Variants in MINDY2 observed in about 807,000 individuals in gnomAD.
The protein encoded by MINDY2 is MINDY lysine 48 deubiquitinase 2.
Under a neutral mutation model 68.2 loss-of-function variants are expected in MINDY2, and 52 were observed. The ratio of observed to expected loss-of-function variants is 0.76; its 90% CI spans 0.61 to 0.96. The LOEUF (loss-of-function observed/expected upper bound fraction) is 0.96. MINDY2 is among the 40% of genes least tolerant of loss of function. The probability of loss-of-function intolerance (pLI) is 0.00; values close to 1 mark genes in which losing one functional copy is unlikely to be tolerated. For synonymous variants in MINDY2, 372 were observed against 303.0 expected, an observed-to-expected ratio of 1.23 and a Z score of -2.36; for missense variants, 881 against 773.4, an observed-to-expected ratio of 1.14 and a Z score of -1.65.
intron 1 of MINDY2, among the ~76,000 whole-genome samples, chr15:58,776,047 A>T (rs1319668181): frequency 2.0e-5 from 3 of 152,176 alleles, no homozygotes; most frequent in African/African-American, 7.2e-5. Context: ...TTTAGTACAG[A>T]CAGGGTTTCA....
At chr15:58,827,931 G>A (rs1259732918) in intron 5 of MINDY2, among the ~76,000 whole-genome samples, 1 of 151,898 alleles carries the variant, frequency 6.6e-6, no homozygotes, top group African/African-American at 2.4e-5. Context: ...CTGCACTCCT[G>A]GAATCAAATC....
At chr15:58,776,765 T>C (rs1025761428) in intron 1 of MINDY2, among the ~76,000 whole-genome samples, 22 of 152,122 alleles carry the variant, frequency 1.4e-4, no homozygotes, top group Admixed American at 3.3e-4. Flanking sequence ...CTCATGCCTG[T>C]CGTCCCAGCA....
intron 1 of MINDY2, among the ~76,000 whole-genome samples, chr15:58,787,325 T>C (rs960629224): frequency 1.1e-4 from 16 of 152,020 alleles, no homozygotes; most frequent in African/African-American, 2.7e-4. Flanking sequence ...TTTTATCTCC[T>C]ATGTGTGCAG....
rs182877793 is a variant in MINDY2, at chr15:58,820,405, C to T, written c.1123-1312C>T. Among the ~76,000 whole-genome samples, 160 of 150,160 alleles carry T rather than the reference C, an allele frequency of 1.1e-3. 2 individuals carry two copies. Among genetic ancestry groups the T allele is most frequent in the African/African-American group, 3.6e-3 (146 of 40,660 alleles). ...GTTGCAGTGAGCCGAGGTCACACCA[C>T]TGCACTCCAGCCTGGGCAACAGAGT... is the stretch of plus-strand genomic sequence containing the variant. On this transcript the variant is annotated intron_variant, in intron 4 of 8. Coordinates refer to ENST00000559228, the MANE Select transcript of MINDY2 (RefSeq NM_001040450.3).
chr15:58,795,178 A>AAAAT (rs57658375), intron 2 of MINDY2, among the ~76,000 whole-genome samples: 30,143 of 149,876 alleles, frequency 0.2, 3,573 homozygotes, highest in East Asian at 0.52. Context: ...TCGTCTCCAA[A>AAAAT]AAATAAATAA....
chr15:58,778,693 C>T (rs979985057), intron 1 of MINDY2, among the ~76,000 whole-genome samples: 8 of 151,850 alleles, frequency 5.3e-5, no homozygotes, highest in African/African-American at 1.7e-4. Flanking sequence ...GTGGTGCAAT[C>T]ATGGCTCCGA....
intron 1 of MINDY2, among the ~76,000 whole-genome samples, chr15:58,786,761 A>C (rs1340197684): frequency 2.0e-5 from 3 of 152,186 alleles, no homozygotes; most frequent in African/African-American, 7.2e-5. Context: ...CTTTCCAACT[A>C]TAACTCCTTC....
intron 5 of MINDY2, among the ~76,000 whole-genome samples, chr15:58,823,428 C>T (rs556135775): frequency 6.6e-6 from 1 of 152,010 alleles, no homozygotes; most frequent in Non-Finnish European, 1.5e-5. Context: ...AATCCCAGCA[C>T]TTTGGGAGGC....
intron 2 of MINDY2, among the ~76,000 whole-genome samples, chr15:58,801,342 C>T (rs1051227343): frequency 1.2e-4 from 13 of 110,814 alleles, no homozygotes; most frequent in African/African-American, 4.5e-4. Context: ...GTGATCCCAA[C>T]ACTTTGGGAG....
At chr15:58,849,268 C>T (rs1257610015) in intron 7 of MINDY2, among the ~76,000 whole-genome samples, 10 of 150,718 alleles carry the variant, frequency 6.6e-5, no homozygotes, top group Admixed American at 4.6e-4. Context: ...TTTGGGAGGC[C>T]AAGGCGGGCC....
At chr15:58,838,935 A>C (rs1293852617) in intron 6 of MINDY2, among the ~76,000 whole-genome samples, 1 of 152,000 alleles carries the variant, frequency 6.6e-6, no homozygotes, top group African/African-American at 2.4e-5. Context: ...ATTCATGATT[A>C]TATTATATCA....
At chr15:58,836,237 CTTT>C (rs778968248) in intron 6 of MINDY2, among the ~76,000 whole-genome samples, 10 of 140,318 alleles carry the variant, frequency 7.1e-5, no homozygotes, top group African/African-American at 5.2e-5. Flanking sequence ...AACTATAATT[CTTT>C]TTTTTTTTTT....
intron 3 of MINDY2, among the ~76,000 whole-genome samples, chr15:58,802,955 T>C (rs1448613373): frequency 3.3e-5 from 5 of 152,194 alleles, no homozygotes; most frequent in Non-Finnish European, 7.3e-5. Context: ...CTTTACTTGG[T>C]AATAGAAGGC....
At chr15:58,825,815 A>T (rs2031359433) in intron 5 of MINDY2, among the ~76,000 whole-genome samples, 1 of 152,194 alleles carries the variant, frequency 6.6e-6, no homozygotes, top group Non-Finnish European at 1.5e-5. Flanking sequence ...CATGTTGCCC[A>T]GGCTGGTCTC....
intron 1 of MINDY2, among the ~76,000 whole-genome samples, chr15:58,775,836 C>T (rs1900738817): frequency 6.6e-6 from 1 of 151,352 alleles, no homozygotes. Flanking sequence ...GAAGCATGGA[C>T]TGGGTCTCAG....
chr15:58,804,272 A>G (rs529301), intron 3 of MINDY2, among the ~76,000 whole-genome samples: 1,929 of 152,342 alleles, frequency 0.013, 36 homozygotes, highest in African/African-American at 0.037. Context: ...ATGAAATCTC[A>G]TCCCAGCTTC....
chr15:58,821,814 G>C lies in MINDY2; in HGVS notation c.1220G>C (p.Ser407Thr). 6.3e-7 allele frequency: 1 copy of C among 1,577,664 alleles called. No individual in the cohort carries two copies. Among genetic ancestry groups the C allele is most frequent in the Non-Finnish European group, 8.6e-7 (1 of 1,164,126 alleles). Residue 407 changes from serine to threonine, a missense_variant, in exon 5 of 9, where the codon AGT becomes ACT. Physicochemically the swap from Ser to Thr is moderately conservative, Grantham distance 58. Transcript: ENST00000559228. ...CAGTCAGACAATAGTGAGCTGGTTA[G>C]TGAAGGTGGGTGAGTGCTGCTATTT... ...CKQSDNSELV[S>T]EGFVAEQFLN...
Position 58,772,167 on chromosome 15 carries a change from A to C in MINDY2, c.772A>C (p.Ile258Leu). The part of the protein sequence containing the change: ...IQWKEENTPI[I>L]TQNENGPCPL... ...GTGGAAGGAAGAGAACACACCCATC[A>C]TCACCCAGAATGAGAACGGACCCTG... The change falls in exon 1 of 9, where the codon ATC becomes CTC. Residue 258 changes from isoleucine (I) to leucine (L), a missense_variant. By Grantham distance (5) the Ile-to-Leu change is conservative. Coordinates refer to ENST00000559228, the MANE Select transcript of MINDY2 (RefSeq NM_001040450.3). 1 of 1,613,998 alleles carries C rather than the reference A, an allele frequency of 6.2e-7. No homozygotes were observed.
At position 58,852,972 on chromosome 15, in the gene MINDY2, A is replaced by ATTTTTTTTTTTTTTTTTTTTTTTTTT. The variant is rs1567079858; in HGVS notation, c.1737+1007_1737+1008insTTTTTTTTTTTTTTTTTTTTTTTTTT. Among the ~76,000 whole-genome samples, 7 of 17,272 alleles carry ATTTTTTTTTTTTTTTTTTTTTTTTTT rather than the reference A, an allele frequency of 4.1e-4. 3 individuals are homozygous for ATTTTTTTTTTTTTTTTTTTTTTTTTT. Among genetic ancestry groups the ATTTTTTTTTTTTTTTTTTTTTTTTTT allele is most frequent in the East Asian group, 2.0e-3 (2 of 980 alleles). The allele number at this position is 17,272 out of a possible 152,430, so 11.3% of individuals were successfully genotyped here. A position where few individuals can be genotyped will look rare whatever the true frequency, so the allele number is the denominator to read the frequency against. ...TTTTTTTTTTTTTTTTTTTTTTTTA[A>ATTTTTTTTTTTTTTTTTTTTTTTTTT]GACAGAGTCTCACTCTGTTGCCCAG... On this transcript the variant is annotated intron_variant, in intron 8 of 8. Transcript: ENST00000559228.
Sources: allele counts gnomAD v4.1 joint callset (sites outside exome capture counted in the v4.1 genomes callset), GRCh38; gene constraint gnomAD v4.1.1; transcripts MANE v1.5; gene names NCBI Gene and HGNC (gene_info 2026-07-23, HGNC 2026-07-21).